The following DHRS4 variants were observed in gnomAD, a reference collection of about 807,000 sequenced individuals.
DHRS4 encodes dehydrogenase/reductase SDR family member 4.
Under a neutral mutation model 28.4 loss-of-function variants are expected in DHRS4, and 20 were observed. The observed-to-expected ratio is 0.71, with a 90% confidence interval of 0.50 to 1.02. The LOEUF is 1.02. Ranked by LOEUF, DHRS4 falls within the 50% of genes least tolerant of loss-of-function variation. The pLI is 0.00. For synonymous variants in DHRS4, 144 were observed against 146.4 expected (o/e 0.98, Z 0.12); for missense variants, 378 against 367.2 (o/e 1.03, Z -0.24).
intron 1 of DHRS4, 101 bp from the exon 2 acceptor site, chr14:23,954,934 G>T: frequency 6.4e-7 from 1 of 1,558,508 alleles, no homozygotes. Flanking sequence ...TATAGAGAAA[G>T]AGCCAGAATT....
intron 3 of DHRS4, among the ~76,000 whole-genome samples, chr14:23,960,637 A>T (rs1187406721): frequency 7.7e-6 from 1 of 129,822 alleles, no homozygotes; most frequent in Non-Finnish European, 1.5e-5. Flanking sequence ...TTTCACACAC[A>T]CTCTTTAATT....
intron 2 of DHRS4, among the ~76,000 whole-genome samples, chr14:23,957,111 C>G (rs2224686): frequency 0.2 from 30,655 of 151,830 alleles, 7,667 homozygotes; most frequent in African/African-American, 0.6. Flanking sequence ...TGTTGCTGTC[C>G]TCCAGGTTTA....
intron 3 of DHRS4, among the ~76,000 whole-genome samples, chr14:23,960,592 G>T (rs1457837982): frequency 6.6e-6 from 1 of 152,044 alleles, no homozygotes; most frequent in Non-Finnish European, 1.5e-5. Context: ...TGGGTTTTAT[G>T]TGAAAGTGTA....
At chr14:23,959,724 G>A (rs1217337625) in intron 2 of DHRS4, among the ~76,000 whole-genome samples, 178 bp from the exon 3 acceptor site, 2 of 151,764 alleles carry the variant, frequency 1.3e-5, no homozygotes, top group Admixed American at 6.6e-5. Context: ...TCGCTGCATG[G>A]CCCAGGCTTC....
In DHRS4 at chr14:23,959,886, T is replaced by C; in HGVS notation, c.307-16T>C. ...ACTTACTGCAGCCCTGGTCCAGAAC[T>C]TACCCCTCTCTCTAGGCTGTGAAGC... On this transcript the variant is annotated splice_polypyrimidine_tract_variant and intron_variant, in intron 2 of 7. Coordinates refer to ENST00000313250, the MANE Select transcript of DHRS4 (RefSeq NM_021004.4). 6.2e-7 allele frequency: 1 copy of C among 1,612,288 alleles called. No homozygotes were observed. The highest frequency in any genetic ancestry group is 2.2e-5 in the East Asian group (1 of 44,836).
At chr14:23,954,957 G>A (rs1341604004) in intron 1 of DHRS4, 78 bp from the exon 2 acceptor site, 5 of 1,587,784 alleles carry the variant, frequency 3.1e-6, no homozygotes, top group Middle Eastern at 1.7e-4. Context: ...AACCCGGGCA[G>A]TCTTAACTTC....
At position 23,958,412 on chromosome 14, in the gene DHRS4, C is replaced by T. The variant is rs189349458; in HGVS notation, c.307-1490C>T. ...CCCAAGGCATCAAAATTGCCAGTTC[C>T]GGGCAAACGGAAAGTCTGGTTTCAG... On this transcript the variant is annotated intron_variant, in intron 2 of 7. Coordinates refer to ENST00000313250, the MANE Select transcript of DHRS4 (RefSeq NM_021004.4). Among the ~76,000 whole-genome samples the T allele has an allele frequency of 4.7e-4, 72 of 152,224 alleles. 1 individual carries two copies. The highest frequency in any genetic ancestry group is 1.3e-3 in the African/African-American group (53 of 41,528).
chr14:23,961,771 C>T (rs1453694578), intron 3 of DHRS4, among the ~76,000 whole-genome samples: 14 of 115,736 alleles, frequency 1.2e-4, no homozygotes, highest in African/African-American at 5.6e-4. Context: ...CCTCAGCCCC[C>T]CAAAATATTG....
chr14:23,956,550 C>T (rs1445448967), intron 2 of DHRS4, among the ~76,000 whole-genome samples: 1 of 150,306 alleles, frequency 6.7e-6, no homozygotes, highest in Non-Finnish European at 1.5e-5. Context: ...AGGAGTACTG[C>T]TGGGGAAGGG....
intron 2 of DHRS4, among the ~76,000 whole-genome samples, chr14:23,956,010 G>A (rs763297504): frequency 2.0e-5 from 3 of 152,212 alleles, no homozygotes; most frequent in African/African-American, 7.2e-5. Context: ...CTAACAGATT[G>A]GAAGGTTGGC....
At chr14:23,954,591 G>A (rs1261072408) in intron 1 of DHRS4, among the ~76,000 whole-genome samples, 1 of 152,208 alleles carries the variant, frequency 6.6e-6, no homozygotes, top group African/African-American at 2.4e-5. Flanking sequence ...TTTTTGACCG[G>A]AGACCATCTT....
chr14:23,961,276 G>C (rs1429696445), intron 3 of DHRS4, among the ~76,000 whole-genome samples: 73 of 149,608 alleles, frequency 4.9e-4, no homozygotes, highest in Admixed American at 2.1e-3. Flanking sequence ...ATGTTCTTCA[G>C]TGAGCTAGTT....
Position 23,969,054 on chromosome 14 carries a change from G to A in DHRS4, c.*183G>A. The A allele has an allele frequency of 7.7e-7, 1 of 1,298,878 alleles. No individual in the cohort carries two copies. The highest frequency in any genetic ancestry group is 3.0e-5 in the Admixed American group (1 of 33,052). The allele number at this position is 1,298,878 out of a possible 1,614,324, so 80.5% of individuals were successfully genotyped here. On this transcript the variant is annotated 3_prime_UTR_variant, in exon 8 of 8. Coordinates refer to ENST00000313250, the MANE Select transcript of DHRS4 (RefSeq NM_021004.4). ...TGGCGTCTTACTCGGGATTTCTGCT[G>A]TTGTTGTGGCCTTGGGTAAAGGCCT...
In DHRS4 at chr14:23,964,220, TAAAAAAAAAAA is replaced by T. The variant is rs71119059; in HGVS notation, c.409-1518_409-1508del. Among the ~76,000 whole-genome samples the T allele has an allele frequency of 9.8e-3, 339 of 34,494 alleles. 11 individuals carry two copies. The highest frequency in any genetic ancestry group is 0.025 in the Middle Eastern group (1 of 40). 22.6% of individuals were successfully genotyped at this position (34,494 alleles called of 152,430 possible). On this transcript the variant is annotated intron_variant, in intron 3 of 7. Transcript: ENST00000313250. ...AGGGTTGCCACGAAACTGCAATTTGTAAAAAAAAAAAAAAAAAAAAAAAAAAAAAAAAAACA... is the reference window on the plus strand; with the variant it reads ...AGGGTTGCCACGAAACTGCAATTTGTAAAAAAAAAAAAAAAAAAAAAAACA...
Position 23,969,080 on chromosome 14 carries a change from C to T in DHRS4, c.*209C>T, listed in dbSNP as rs1431130940. The stretch of plus-strand genomic sequence containing the variant: ...TTGTTGTGGCCTTGGGTAAAGGCCT[C>T]CCCTGAGAACACAGGACAGGCCTGC... On this transcript the variant is annotated 3_prime_UTR_variant, in exon 8 of 8. Transcript: ENST00000313250. 1 of 856,802 alleles carries T rather than the reference C, an allele frequency of 1.2e-6. No individual in the cohort carries two copies. The highest frequency in any genetic ancestry group is 1.7e-6 in the Non-Finnish European group (1 of 583,956). 53.1% of individuals were successfully genotyped at this position (856,802 alleles called of 1,614,324 possible).
At chr14:23,966,798 C>T (rs1241253484) in intron 6 of DHRS4, among the ~76,000 whole-genome samples, 2 of 152,282 alleles carry the variant, frequency 1.3e-5, no homozygotes, top group Admixed American at 1.3e-4. Context: ...CCCCATCCCT[C>T]CTCTCAGTTA....
chr14:23,961,516 T>C (rs1410946949), intron 3 of DHRS4, among the ~76,000 whole-genome samples: 2 of 114,034 alleles, frequency 1.8e-5, no homozygotes, highest in Non-Finnish European at 3.2e-5. Flanking sequence ...AGACTCTTGC[T>C]CTGTCTTTTT....
Position 23,968,989 on chromosome 14 carries a change from T to C in DHRS4, c.*118T>C. The C allele has an allele frequency of 7.6e-7, 1 of 1,316,434 alleles. No homozygotes were observed. The highest frequency in any genetic ancestry group is 1.6e-5 in the South Asian group (1 of 64,398). 81.5% of individuals were successfully genotyped at this position (1,316,434 alleles called of 1,614,324 possible). On this transcript the variant is annotated 3_prime_UTR_variant, in exon 8 of 8. Transcript: ENST00000313250. ...TTACTGTTCACCTCATCAAATCAGT[T>C]CTGCCCTGTGAAAAGATCCAGCCTT... is the stretch of plus-strand genomic sequence containing the variant.
intron 4 of DHRS4, 23 bp downstream of exon 4, chr14:23,965,855 T>A (rs1371878492): frequency 6.2e-7 from 1 of 1,606,828 alleles, no homozygotes; most frequent in African/African-American, 1.4e-5. Flanking sequence ...AGAGAGAGCC[T>A]GGGTGAGAGG....
Sources: gnomAD v4.1 joint callset for allele counts (sites outside exome capture counted in the v4.1 genomes callset) on GRCh38, gnomAD v4.1.1 for gene constraint, MANE v1.5 for transcripts, NCBI Gene and HGNC (gene_info 2026-07-23, HGNC 2026-07-21) for gene names.